GPC6: variants seen among roughly 807,000 people sequenced by gnomAD.
GPC6 encodes glypican 6, also known as glypican-6.
Under a neutral mutation model 55.2 loss-of-function variants are expected in GPC6, and 14 were observed. That is an observed-to-expected ratio of 0.25 (90% CI 0.17 to 0.40). The LOEUF (loss-of-function observed/expected upper bound fraction) is 0.40. Among genes scored for constraint, GPC6 ranks in the 10% least tolerant of loss-of-function variants. The pLI is 1.00. For synonymous variants in GPC6, 278 were observed against 259.6 expected (o/e 1.07, Z -0.68); for missense variants, 641 against 708.5 (o/e 0.90, Z 1.08).
rs1457763487 is a variant in GPC6 at position 94,061,956 on chromosome 13, T to A, written c.877+34062T>A. Among the ~76,000 whole-genome samples, 5 of 152,294 alleles carry A rather than the reference T, an allele frequency of 3.3e-5. No individual in the cohort carries two copies. The East Asian group carries it at 9.7e-4, about 29-fold the overall frequency. The stretch of plus-strand genomic sequence containing the variant: ...AGTTTCTCTGGATGATGCTGGGTAC[T>A]GGCAAATCTCGATTCTCTTACTCCA... On this transcript the variant is annotated intron_variant, in intron 4 of 8. Transcript: ENST00000377047.
At chr13:94,151,434 C>T (rs890491794) in intron 4 of GPC6, among the ~76,000 whole-genome samples, 6 of 152,120 alleles carry the variant, frequency 3.9e-5, no homozygotes, top group South Asian at 2.1e-4. Flanking sequence ...TTATGTTTTC[C>T]GAATCCCTCT....
At chr13:93,409,546 A>C (rs9556289) in intron 1 of GPC6, among the ~76,000 whole-genome samples, 13 of 151,962 alleles carry the variant, frequency 8.6e-5, no homozygotes, top group Non-Finnish European at 1.3e-4. Flanking sequence ...TTCTCTTTCA[A>C]CTTGCATCTA....
At chr13:93,225,407 T>C (rs1193143574), upstream of GPC6, among the ~76,000 whole-genome samples, 2 of 152,196 alleles carry the variant, frequency 1.3e-5, no homozygotes, top group Non-Finnish European at 1.5e-5. Flanking sequence ...ATAAATATTG[T>C]GAAAGCAAAA....
intron 3 of GPC6, among the ~76,000 whole-genome samples, chr13:93,964,178 C>T (rs1229811874): frequency 1.3e-5 from 2 of 152,174 alleles, no homozygotes; most frequent in African/African-American, 4.8e-5. Flanking sequence ...GATGAAGGAA[C>T]TCACAGGGTC....
rs921599587 is a variant in GPC6, at chr13:93,912,692, G to C, written c.711+82147G>C. ...CAGGAGGCAGAGCTTGCAGTGAGCCGAGATTGCGCCACTGCACTCCAGCCT... is the reference window on the plus strand; with the variant it reads ...CAGGAGGCAGAGCTTGCAGTGAGCCCAGATTGCGCCACTGCACTCCAGCCT... On this transcript the variant is annotated intron_variant, in intron 3 of 8. Transcript: ENST00000377047. 2.6e-5 allele frequency among the ~76,000 whole-genome samples: 4 copies of C among 152,238 alleles called. No individual in the cohort carries two copies. The South Asian group carries it at 8.3e-4, about 32-fold the overall frequency.
chr13:94,024,375 G>GA lies in GPC6; in HGVS notation c.712-3349dup, dbSNP rs1487761317. Among the ~76,000 whole-genome samples the GA allele has an allele frequency of 2.6e-5, 4 of 152,176 alleles. No homozygotes were observed. In the East Asian group the frequency reaches 7.7e-4, roughly 29 times the overall value. On this transcript the variant is annotated intron_variant, in intron 3 of 8. Coordinates refer to ENST00000377047, the MANE Select transcript of GPC6 (RefSeq NM_005708.5). The stretch of plus-strand genomic sequence containing the variant: ...CTATTGTGCAATTATAAAACACTAT[G>GA]AAAAATAGAGATGTCTCCTCACACA...
chr13:93,902,857 C>A lies in GPC6; in HGVS notation c.711+72312C>A, dbSNP rs558497909. Among the ~76,000 whole-genome samples the A allele has an allele frequency of 3.3e-5, 5 of 152,156 alleles. No homozygotes were observed. In the East Asian group the frequency reaches 7.7e-4, roughly 24 times the overall value. On this transcript the variant is annotated intron_variant, in intron 3 of 8. Transcript: ENST00000377047. The stretch of plus-strand genomic sequence containing the variant: ...TCTTTTGAGAAATATCTTTCTGGGT[C>A]TTTGCTGATTTTTAAATTGGATTAT...
At chr13:94,127,113 A>G (rs547947064) in intron 4 of GPC6, among the ~76,000 whole-genome samples, 63 of 152,110 alleles carry the variant, frequency 4.1e-4, no homozygotes, top group Non-Finnish European at 8.2e-4. Flanking sequence ...TTGAAAATTC[A>G]GAAACTCCAA....
At chr13:93,234,918 A>G (rs1430451325) in intron 1 of GPC6, among the ~76,000 whole-genome samples, 4 of 152,206 alleles carry the variant, frequency 2.6e-5, no homozygotes, top group African/African-American at 9.6e-5. Context: ...GGATCAGATG[A>G]ATTGCTAACT....
At chr13:94,071,512 A>G (rs548532292) in intron 4 of GPC6, among the ~76,000 whole-genome samples, 2 of 152,326 alleles carry the variant, frequency 1.3e-5, no homozygotes, top group African/African-American at 4.8e-5. Context: ...AAATTATTCA[A>G]TACAGAGCTC....
rs1878044156 is a variant in GPC6, at chr13:93,929,473, C to A, written c.712-98256C>A. Among the ~76,000 whole-genome samples the A allele has an allele frequency of 2.0e-5, 3 of 152,164 alleles. No homozygotes were observed. In the South Asian group the frequency reaches 6.2e-4, roughly 32 times the overall value. On this transcript the variant is annotated intron_variant, in intron 3 of 8. Transcript: ENST00000377047. ...ATGTGAATTTTTAAAAAATCTCTAA[C>A]ATTTTATACAAAATTAGAGAATCCT...
intron 1 of GPC6, among the ~76,000 whole-genome samples, chr13:93,338,249 T>TA (rs1462989561): frequency 1.3e-5 from 2 of 152,194 alleles, no homozygotes; most frequent in Admixed American, 6.5e-5. Flanking sequence ...TGAGTGGATC[T>TA]AAAGGAAGAA....
chr13:93,896,053 C>A (rs917901744), intron 3 of GPC6, among the ~76,000 whole-genome samples: 1 of 151,944 alleles, frequency 6.6e-6, no homozygotes, highest in African/African-American at 2.4e-5. Context: ...TTGGAACATT[C>A]CTAACACAAA....
At chr13:94,297,903 G>C (rs1222060969) in intron 5 of GPC6, among the ~76,000 whole-genome samples, 1 of 151,754 alleles carries the variant, frequency 6.6e-6, no homozygotes, top group East Asian at 1.9e-4. Context: ...CATGAATCAG[G>C]GAGCAAAGAA....
chr13:94,318,807 G>T (rs1460564014), intron 6 of GPC6, among the ~76,000 whole-genome samples: 1 of 152,054 alleles, frequency 6.6e-6, no homozygotes, highest in Non-Finnish European at 1.5e-5. Context: ...AACTTTTCTT[G>T]TGAATTGAGC....
At chr13:93,783,897 G>A (rs945610131) in intron 2 of GPC6, among the ~76,000 whole-genome samples, 10 of 152,120 alleles carry the variant, frequency 6.6e-5, no homozygotes, top group African/African-American at 2.4e-4. Context: ...TGCCCATGTA[G>A]AATTGCCTTC....
In GPC6 at chr13:94,259,429, C is replaced by A. The variant is rs574723586; in HGVS notation, c.878-26920C>A. On this transcript the variant is annotated intron_variant, in intron 4 of 8. Transcript: ENST00000377047. ...TAGTCTCTAAGGTGATCCAGTTAGA[C>A]AACTCTAGGCTGGGCTGCTTACATG... Among the ~76,000 whole-genome samples, 47 of 152,330 alleles carry A rather than the reference C, an allele frequency of 3.1e-4. No homozygotes were observed. The South Asian group carries it at 8.5e-3, about 28-fold the overall frequency.
chr13:93,554,959 C>T (rs118105908), intron 2 of GPC6, among the ~76,000 whole-genome samples: 1 of 152,178 alleles, frequency 6.6e-6, no homozygotes, highest in African/African-American at 2.4e-5. Flanking sequence ...AGTTTACAGT[C>T]TTCACACTGT....
At chr13:94,278,802 G>A (rs1892288726) in intron 4 of GPC6, among the ~76,000 whole-genome samples, 1 of 152,280 alleles carries the variant, frequency 6.6e-6, no homozygotes, top group East Asian at 1.9e-4. Flanking sequence ...GATTGTGGTG[G>A]ATGTGGTTTT....
Sources: allele counts gnomAD v4.1 joint callset (sites outside exome capture counted in the v4.1 genomes callset), GRCh38; gene constraint gnomAD v4.1.1; transcripts MANE v1.5; gene names NCBI Gene and HGNC (gene_info 2026-07-23, HGNC 2026-07-21).